Variants in FAM227B observed in about 807,000 individuals in gnomAD.
FAM227B encodes family with sequence similarity 227 member B.
A neutral mutation model predicts 73.8 loss-of-function variants in FAM227B; 88 were observed. That is an observed-to-expected ratio of 1.19 (90% CI 1.00 to 1.42). The LOEUF (loss-of-function observed/expected upper bound fraction) is 1.42, where lower values mean the gene tolerates loss of function less well. Among genes scored for constraint, FAM227B ranks in the 40% most tolerant of loss-of-function variants. The pLI is 0.00. For synonymous variants in FAM227B, 210 were observed against 190.5 expected (o/e 1.10, Z -0.84); for missense variants, 632 against 590.9 (o/e 1.07, Z -0.72).
intron 15 of FAM227B, chr15:49,331,032 A>C (rs2038628125): frequency 1.3e-5 from 2 of 152,232 alleles, no homozygotes; most frequent in Admixed American, 6.5e-5. Flanking sequence ...TACAACACCC[A>C]GGTGTTTCAC....
chr15:49,375,919 G>A (rs2046132345), intron 11 of FAM227B, among the ~76,000 whole-genome samples: 1 of 152,032 alleles, frequency 6.6e-6, no homozygotes, highest in South Asian at 2.1e-4. Flanking sequence ...TGACAGTCTT[G>A]ACTGGTACTG....
At chr15:49,375,392 AC>A (rs1169258431) in intron 11 of FAM227B, among the ~76,000 whole-genome samples, 6 of 152,142 alleles carry the variant, frequency 3.9e-5, no homozygotes, top group Admixed American at 3.3e-4. Context: ...TTTGGGAGTT[AC>A]TTTTATCCAT....
chr15:49,616,145 T>G (rs1241506822), intron 1 of FAM227B, among the ~76,000 whole-genome samples: 2 of 152,122 alleles, frequency 1.3e-5, no homozygotes, highest in Non-Finnish European at 2.9e-5. Flanking sequence ...CACCCCAAAT[T>G]CATATGTTCA....
chr15:49,495,075 T>C (rs1177205514), intron 11 of FAM227B, among the ~76,000 whole-genome samples: 1 of 152,210 alleles, frequency 6.6e-6, no homozygotes, highest in East Asian at 1.9e-4. Context: ...TTTAATGTCA[T>C]TTAGTATAAT....
chr15:49,615,226 G>A lies in FAM227B; in HGVS notation c.-55C>T. ...AATCAGCTGGGTCTTAGGCTTCAAT[G>A]TGAGTTGGGCGACCAAACTGGGGTA... On this transcript the variant is annotated 5_prime_UTR_variant, in exon 2 of 16. Coordinates refer to ENST00000299338, the MANE Select transcript of FAM227B (RefSeq NM_152647.3). 2 of 1,545,330 alleles carry A rather than the reference G, an allele frequency of 1.3e-6. No homozygotes were observed. Among genetic ancestry groups the A allele is most frequent in the East Asian group, 2.2e-5 (1 of 44,498 alleles).
At chr15:49,448,305 T>C (rs2151870840) in intron 11 of FAM227B, among the ~76,000 whole-genome samples, 1 of 151,840 alleles carries the variant, frequency 6.6e-6, no homozygotes, top group East Asian at 1.9e-4. Flanking sequence ...TTTCTCCCTC[T>C]TTTCTTTTCC....
At chr15:49,422,120 TAGAGAGAGAG>T (rs3075167) in intron 11 of FAM227B, among the ~76,000 whole-genome samples, 3 of 134,462 alleles carry the variant, frequency 2.2e-5, no homozygotes, top group Admixed American at 7.3e-5. Flanking sequence ...GCATTTCACA[TAGAGAGAGAG>T]AGAGAGAGAG....
At chr15:49,389,946 T>C (rs1345888337) in intron 11 of FAM227B, among the ~76,000 whole-genome samples, 3 of 152,066 alleles carry the variant, frequency 2.0e-5, no homozygotes, top group African/African-American at 7.2e-5. Context: ...GTATTTTCTA[T>C]GTCAACATAA....
At chr15:49,356,998 G>A (rs2043271855) in intron 13 of FAM227B, among the ~76,000 whole-genome samples, 2 of 150,782 alleles carry the variant, frequency 1.3e-5, no homozygotes, top group Admixed American at 6.6e-5. Context: ...GGTACATAAC[G>A]AAATGAAGGC....
intron 11 of FAM227B, among the ~76,000 whole-genome samples, chr15:49,428,932 C>T (rs2050357700): frequency 1.3e-5 from 2 of 151,996 alleles, no homozygotes; most frequent in Non-Finnish European, 2.9e-5. Flanking sequence ...ATAAACACAG[C>T]GTTGCTGAAT....
At chr15:49,614,324 A>G (rs2078148006) in intron 2 of FAM227B, among the ~76,000 whole-genome samples, 1 of 152,222 alleles carries the variant, frequency 6.6e-6, no homozygotes, top group South Asian at 2.1e-4. Context: ...TTGGACAAAA[A>G]AAAAATCATA....
intron 11 of FAM227B, among the ~76,000 whole-genome samples, chr15:49,467,136 T>C (rs1365502646): frequency 6.6e-6 from 1 of 152,118 alleles, no homozygotes; most frequent in Non-Finnish European, 1.5e-5. Flanking sequence ...TCACGGAGTA[T>C]ATTAGTATTT....
intron 11 of FAM227B, among the ~76,000 whole-genome samples, chr15:49,391,865 G>C (rs2047231128): frequency 6.6e-6 from 1 of 152,072 alleles, no homozygotes; most frequent in African/African-American, 2.4e-5. Flanking sequence ...GGCCATTGGG[G>C]AGGCCAGCTC....
At chr15:49,547,891 C>T (rs35426934) in intron 9 of FAM227B, among the ~76,000 whole-genome samples, 20,851 of 152,178 alleles carry the variant, frequency 0.14, 1,792 homozygotes, top group Non-Finnish European at 0.19. Context: ...CTTCAATACT[C>T]CACTGACGAC....
At chr15:49,391,695 G>A (rs1028991703) in intron 11 of FAM227B, among the ~76,000 whole-genome samples, 1 of 152,028 alleles carries the variant, frequency 6.6e-6, no homozygotes, top group African/African-American at 2.4e-5. Flanking sequence ...AAGAATCTCT[G>A]AATCCACCTA....
intron 11 of FAM227B, among the ~76,000 whole-genome samples, chr15:49,453,360 T>G (rs545019317): frequency 1.7e-4 from 26 of 152,260 alleles, no homozygotes; most frequent in African/African-American, 6.3e-4. Context: ...CACCTCCGCC[T>G]CCCAAAGTGT....
At chr15:49,466,496 T>A (rs183532105) in intron 11 of FAM227B, among the ~76,000 whole-genome samples, 1 of 152,284 alleles carries the variant, frequency 6.6e-6, no homozygotes, top group Non-Finnish European at 1.5e-5. Context: ...CTTTGGATAG[T>A]AAATAAAAGA....
chr15:49,440,805 T>C (rs570065462), intron 11 of FAM227B, among the ~76,000 whole-genome samples: 35 of 151,850 alleles, frequency 2.3e-4, no homozygotes, highest in African/African-American at 8.0e-4. Flanking sequence ...AAGCCAATGC[T>C]CTTTCCACCC....
chr15:49,602,549 C>A lies in FAM227B; in HGVS notation c.105+8666G>T, dbSNP rs117478808. ...TATATATTCTGGTTATTAATCATCC[C>A]TTATCAGATGAGTAATTTGCAAGTA... is the stretch of plus-strand genomic sequence containing the variant. On this transcript the variant is annotated intron_variant, in intron 3 of 15. Transcript: ENST00000299338. 6.8e-4 allele frequency among the ~76,000 whole-genome samples: 103 copies of A among 152,252 alleles called. No individual in the cohort carries two copies. In the East Asian group the frequency reaches 0.019, roughly 29 times the overall value.
Sources: gnomAD v4.1 joint callset for allele counts (sites outside exome capture counted in the v4.1 genomes callset) on GRCh38, gnomAD v4.1.1 for gene constraint, MANE v1.5 for transcripts, NCBI Gene and HGNC (gene_info 2026-07-23, HGNC 2026-07-21) for gene names.